Variants in SCUBE3 observed in about 807,000 individuals in gnomAD.
SCUBE3 encodes the protein signal peptide, CUB domain and EGF like domain containing 3, also known as signal peptide, CUB and EGF-like domain-containing protein 3.
In SCUBE3, 33 loss-of-function variants were observed where a neutral mutation model predicts 116.8. The ratio of observed to expected loss-of-function variants is 0.28; its 90% confidence interval spans 0.21 to 0.38. SCUBE3 has a LOEUF of 0.38. Ranked by LOEUF, SCUBE3 falls within the 10% of genes least tolerant of loss-of-function variation. SCUBE3 has a pLI of 1.00. For missense variants in SCUBE3, 1,007 were observed against 1,324.8 expected, an observed-to-expected ratio of 0.76 and a Z score of 3.72; for synonymous variants, 418 against 496.9, an observed-to-expected ratio of 0.84 and a Z score of 2.11.
rs989753103 is a variant in SCUBE3, at chr6:35,233,893, A to G, written c.712+592A>G. Among the ~76,000 whole-genome samples, 1 of 150,386 alleles carries G rather than the reference A, an allele frequency of 6.6e-6. No individual in the cohort carries two copies. Among genetic ancestry groups the G allele is most frequent in the Non-Finnish European group, 1.5e-5 (1 of 67,672 alleles). On this transcript the variant is annotated intron_variant, in intron 6 of 21. Transcript: ENST00000274938. The surrounding 1 kb of genome is among the most constrained non-coding windows in gnomAD (Gnocchi z 5.7). Reference sequence around the variant, plus strand: ...TTCTACTCACCTCACCTTACCCCCCATTTCCTTCTCTCTCCTCCAGATGCC... The same window carrying G: ...TTCTACTCACCTCACCTTACCCCCCGTTTCCTTCTCTCTCCTCCAGATGCC...
At chr6:35,216,336 GGAACTTA>G (rs1209741222) in intron 1 of SCUBE3, among the ~76,000 whole-genome samples, 1 of 152,208 alleles carries the variant, frequency 6.6e-6, no homozygotes, top group African/African-American at 2.4e-5. Flanking sequence ...CTGCCCTCAA[GGAACTTA>G]GAGTAGTTTT....
rs1344167369 is a variant in SCUBE3, at chr6:35,251,153, T to TC, written c.*2448_*2449insC. 456 of 138,094 alleles carry TC rather than the reference T, an allele frequency of 3.3e-3. 3 individuals are homozygous for TC. Among genetic ancestry groups the TC allele is most frequent in the Middle Eastern group, 0.012 (3 of 258 alleles). 8.6% of individuals were successfully genotyped at this position (138,094 alleles called of 1,614,324 possible). ...GGATAACTTTCTTTCTTTCTTTCTT[T>TC]TTTTTTTTTTTTTTTTTTGAGATGG... On this transcript the variant is annotated 3_prime_UTR_variant, in exon 22 of 22. Transcript: ENST00000274938.
At position 35,233,392 on chromosome 6, in the gene SCUBE3, C is replaced by A; in HGVS notation, c.712+91C>A. The A allele has an allele frequency of 1.2e-6, 1 of 802,544 alleles. No homozygotes were observed. The highest frequency in any genetic ancestry group is 2.2e-6 in the Non-Finnish European group (1 of 461,680). 49.7% of individuals were successfully genotyped at this position (802,544 alleles called of 1,614,324 possible). A position where few individuals can be genotyped will look rare whatever the true frequency, so the allele number is the denominator to read the frequency against. ...CAGGGAAGTGGAGGAGTGCATGGGG[C>A]CCAGGTGCTGGGCACAGAGGGACTG... On this transcript the variant is annotated intron_variant, in intron 6 of 21. Coordinates refer to ENST00000274938, the MANE Select transcript of SCUBE3 (RefSeq NM_152753.4). The surrounding 1 kb of genome is among the most constrained non-coding windows in gnomAD (Gnocchi z 5.7).
At position 35,233,677 on chromosome 6, in the gene SCUBE3, C is replaced by T. The variant is rs948115184; in HGVS notation, c.712+376C>T. Among the ~76,000 whole-genome samples the T allele has an allele frequency of 1.3e-5, 2 of 152,068 alleles. No homozygotes were observed. The highest frequency in any genetic ancestry group is 4.8e-5 in the African/African-American group (2 of 41,400). ...CATCTGCTTAGGCCTGACCAGAGGC[C>T]CTTGGTTGACTAGTGTGATAACAGA... is the stretch of plus-strand genomic sequence containing the variant. On this transcript the variant is annotated intron_variant, in intron 6 of 21. Transcript: ENST00000274938. The surrounding 1 kb of genome is among the most constrained non-coding windows in gnomAD (Gnocchi z 5.7).
rs1362219455 is a variant in SCUBE3 at position 35,246,082 on chromosome 6, A to G, written c.2738A>G (p.Tyr913Cys). 6.2e-7 allele frequency: 1 copy of G among 1,614,140 alleles called. No individual in the cohort carries two copies. Among genetic ancestry groups the G allele is most frequent in the Non-Finnish European group, 8.5e-7 (1 of 1,180,026 alleles). Residue 913 changes from tyrosine to cysteine, a missense_variant, in exon 20 of 22, where the codon TAT (tyrosine) becomes TGT (cysteine). Physicochemically the swap from Tyr to Cys is radical, Grantham distance 194. Around this residue, in one of 5 missense-constraint regions of SCUBE3, gnomAD observed 118 missense variants for 196.6 expected, o/e 0.60. Coordinates refer to ENST00000274938, the MANE Select transcript of SCUBE3 (RefSeq NM_152753.4). ...ANSARGFQIPYVTYDEDYEQL... is the reference protein window; with the variant it reads ...ANSARGFQIPCVTYDEDYEQL... ...AGCGCCCGTGGCTTCCAGATTCCCT[A>G]TGTTACCTATGATGGTAAGCCAAGG... is the stretch of plus-strand genomic sequence containing the variant.
chr6:35,242,964 C>A, intron 14 of SCUBE3, 57 bp from the exon 15 acceptor site: 1 of 1,570,720 alleles, frequency 6.4e-7, no homozygotes, highest in Non-Finnish European at 8.8e-7. Flanking sequence ...GCTCCCCTGC[C>A]CTCCTGCTCA....
Position 35,227,686 on chromosome 6 carries a change from C to T in SCUBE3, c.192C>T (p.Asp64=), listed in dbSNP as rs138365118. 923 of 1,614,038 alleles carry T rather than the reference C, an allele frequency of 5.7e-4. No homozygotes were observed. The highest frequency in any genetic ancestry group is 1.4e-3 in the African/African-American group (103 of 75,014). ...KCICKSGYTG[D]GKHCKDVDEC... ...TCTGCAAGTCTGGCTACACAGGGGA[C>T]GGCAAACACTGCAAAGGTGAGGCTG... Residue 64 remains aspartate, a synonymous_variant, in exon 2 of 22, where the codon GAC becomes GAT. Transcript: ENST00000274938.
At position 35,243,176 on chromosome 6, in the gene SCUBE3, G is replaced by A. The variant is rs1784153644; in HGVS notation, c.1849G>A (p.Glu617Lys). 2.5e-6 allele frequency: 4 copies of A among 1,614,100 alleles called. No homozygotes were observed. Among genetic ancestry groups the A allele is most frequent in the East Asian group, 4.5e-5 (2 of 44,894 alleles). Residue 617 changes from glutamate (E) to lysine (K), a missense_variant, in exon 15 of 22, where the codon GAG becomes AAG. By Grantham distance (56) the Glu-to-Lys change is moderately conservative (BLOSUM62 1). Coordinates refer to ENST00000274938, the MANE Select transcript of SCUBE3 (RefSeq NM_152753.4). The surrounding 1 kb of genome is among the most constrained non-coding windows in gnomAD (Gnocchi z 6.6). ...LAHKPGLVAGERAEPMESCRP... is the reference protein window; with the variant it reads ...LAHKPGLVAGKRAEPMESCRP... ...CCACAAGCCGGGCCTGGTAGCCGGG[G>A]AGCGAGCAGAGCCGATGGAGTCCTG...
Position 35,239,873 on chromosome 6 carries a change from G to A in SCUBE3, c.951G>A (p.Gln317=), listed in dbSNP as rs778605889. The change falls in exon 8 of 22, where the codon CAG becomes CAA. Residue 317 remains glutamine (Q), a splice_region_variant and synonymous_variant. Transcript: ENST00000274938. This position sits in a 1 kb window ranked among gnomAD's most constrained non-coding sequence, Gnocchi z 4.1. Reference sequence around the variant, plus strand: ...TTCTCATCAATGAGAGGAACTGCCAGGGTGAGCAGACTCAGCCAAAGGTGA... The same window carrying A: ...TTCTCATCAATGAGAGGAACTGCCAAGGTGAGCAGACTCAGCCAAAGGTGA... ...YKLLINERNC[Q]DIDECSFDRT... 5.6e-6 allele frequency: 9 copies of A among 1,599,202 alleles called. No homozygotes were observed. Among genetic ancestry groups the A allele is most frequent in the African/African-American group, 1.4e-5 (1 of 73,774 alleles).
intron 1 of SCUBE3, 89 bp from the exon 2 acceptor site, chr6:35,227,491 A>G (rs981187159): frequency 6.5e-6 from 9 of 1,394,622 alleles, no homozygotes; most frequent in Middle Eastern, 1.8e-4. Flanking sequence ...TTTAGAGAAG[A>G]GGGGATTCTG....
In SCUBE3 at chr6:35,250,648, T is replaced by C. The variant is rs534444318; in HGVS notation, c.*1943T>C. 2 of 152,180 alleles carry C rather than the reference T, an allele frequency of 1.3e-5. No homozygotes were observed. The highest frequency in any genetic ancestry group is 1.3e-4 in the Admixed American group (2 of 15,290). 9.4% of individuals were successfully genotyped at this position (152,180 alleles called of 1,614,324 possible). On this transcript the variant is annotated 3_prime_UTR_variant, in exon 22 of 22. Transcript: ENST00000274938. Reference sequence around the variant, plus strand: ...AAAATTATTTTCTGTTTTCTCACTCTAGTTCCCCCAAAGCTGTAGTCCCAA... The same window carrying C: ...AAAATTATTTTCTGTTTTCTCACTCCAGTTCCCCCAAAGCTGTAGTCCCAA...
At position 35,243,295 on chromosome 6, in the gene SCUBE3, G is replaced by A; in HGVS notation, c.1909+59G>A. On this transcript the variant is annotated intron_variant, in intron 15 of 21. Transcript: ENST00000274938. This position sits in a 1 kb window ranked among gnomAD's most constrained non-coding sequence, Gnocchi z 6.6. ...AAAGACCCAGTTTGGGCCTGACTCA[G>A]AGCAGGACCCTTTGTGGCCTCAGAT... 7.1e-7 allele frequency: 1 copy of A among 1,417,702 alleles called. No individual in the cohort carries two copies. Among genetic ancestry groups the A allele is most frequent in the Non-Finnish European group, 9.9e-7 (1 of 1,012,544 alleles). 87.8% of individuals were successfully genotyped at this position (1,417,702 alleles called of 1,614,324 possible).
In SCUBE3 at chr6:35,251,150, C is replaced by CTTTTTTTTT. The variant is rs66748362; in HGVS notation, c.*2458_*2466dup. On this transcript the variant is annotated 3_prime_UTR_variant, in exon 22 of 22. Transcript: ENST00000274938. ...CTAGGATAACTTTCTTTCTTTCTTT[C>CTTTTTTTTT]TTTTTTTTTTTTTTTTTTTTTGAGA... 5 of 84,418 alleles carry CTTTTTTTTT rather than the reference C, an allele frequency of 5.9e-5. No individual in the cohort carries two copies. The highest frequency in any genetic ancestry group is 1.2e-4 in the Non-Finnish European group (5 of 40,688). The allele number at this position is 84,418 out of a possible 1,614,324, so 5.2% of individuals were successfully genotyped here.
Position 35,240,323 on chromosome 6 carries a change from G to A in SCUBE3, c.953-51G>A, listed in dbSNP as rs776541963. ...TCACTTGGGTCCTTCACCTGAGCAA[G>A]GGTCAAGTGCTCCAAGACAGATTCA... On this transcript the variant is annotated intron_variant, in intron 8 of 21. Transcript: ENST00000274938. This position sits in a 1 kb window ranked among gnomAD's most constrained non-coding sequence, Gnocchi z 4.6. 6 of 1,150,586 alleles carry A rather than the reference G, an allele frequency of 5.2e-6. No individual in the cohort carries two copies. The highest frequency in any genetic ancestry group is 4.4e-5 in the South Asian group (3 of 68,406). The allele number at this position is 1,150,586 out of a possible 1,614,324, so 71.3% of individuals were successfully genotyped here.
At position 35,214,478 on chromosome 6, in the gene SCUBE3, C is replaced by A; in HGVS notation, c.60C>A (p.Ala20=). 11 of 1,505,920 alleles carry A rather than the reference C, an allele frequency of 7.3e-6. No homozygotes were observed. Among genetic ancestry groups the A allele is most frequent in the Non-Finnish European group, 8.8e-6 (10 of 1,131,428 alleles). The allele number at this position is 1,505,920 out of a possible 1,614,324, so 93.3% of individuals were successfully genotyped here. A position where few individuals can be genotyped will look rare whatever the true frequency, so the allele number is the denominator to read the frequency against. The change falls in exon 1 of 22, where the codon GCC becomes GCA. Residue 20 remains alanine, a synonymous_variant. Transcript: ENST00000274938. The surrounding 1 kb of genome is among the most constrained non-coding windows in gnomAD (Gnocchi z 6.3). ...CLLVLLVHAR[A]AQYSKAAQDV... is the part of the protein sequence containing the mutation. ...TTGTCCTGCTGGTCCACGCCCGCGCCGCCCAGTACAGCAAAGCCGCGCAAG... is the reference window on the plus strand; with the variant it reads ...TTGTCCTGCTGGTCCACGCCCGCGCAGCCCAGTACAGCAAAGCCGCGCAAG...
At chr6:35,223,419 T>C (rs1034086932) in intron 1 of SCUBE3, 1 of 152,148 alleles carries the variant, frequency 6.6e-6, no homozygotes, top group African/African-American at 2.4e-5. Flanking sequence ...CTGACAATGT[T>C]GCTCCAGAAC....
At chr6:35,218,152 G>A in intron 1 of SCUBE3, 1 of 985,362 alleles carries the variant, frequency 1.0e-6, no homozygotes, top group Non-Finnish European at 1.2e-6. Context: ...GAACCGGTTT[G>A]AGATGTGAGC....
In SCUBE3 at chr6:35,239,197, C is replaced by T. The variant is rs1783915274; in HGVS notation, c.830-555C>T. ...CCCCAGCCCTCCCCCATCAGCTACC[C>T]AGCCTCACTGGCTCTCCTGGAGGTC... On this transcript the variant is annotated intron_variant, in intron 7 of 21. Transcript: ENST00000274938. This position sits in a 1 kb window ranked among gnomAD's most constrained non-coding sequence, Gnocchi z 4.1. Among the ~76,000 whole-genome samples the T allele has an allele frequency of 6.6e-6, 1 of 152,046 alleles. No individual in the cohort carries two copies. The highest frequency in any genetic ancestry group is 1.5e-5 in the Non-Finnish European group (1 of 67,990).
intron 1 of SCUBE3, among the ~76,000 whole-genome samples, chr6:35,215,793 C>T (rs1782863189): frequency 6.6e-6 from 1 of 152,176 alleles, no homozygotes; most frequent in Non-Finnish European, 1.5e-5. Flanking sequence ...AGAACTGAAA[C>T]ACTAGAGATC....
Sources: gnomAD v4.1 joint callset for allele counts (sites outside exome capture counted in the v4.1 genomes callset) on GRCh38, gnomAD v4.1.1 for gene constraint, gnomAD v4.1.1 regional missense constraint, Gnocchi (gnomAD v3.1) non-coding constraint, MANE v1.5 for transcripts, NCBI Gene and HGNC (gene_info 2026-07-23, HGNC 2026-07-21) for gene names.